The following DNAH2 variants were observed in gnomAD, a reference collection of about 807,000 sequenced individuals.
DNAH2 encodes the protein axonemal beta dynein heavy chain 2.
DNAH2 carries 323 observed loss-of-function variants against 523.5 expected under a neutral mutation model. The ratio of observed to expected loss-of-function variants is 0.62; its 90% CI spans 0.56 to 0.68. The LOEUF (loss-of-function observed/expected upper bound fraction) is 0.68, where lower values mean the gene tolerates loss of function less well. DNAH2 is among the 30% of genes least tolerant of loss of function. DNAH2 has a pLI of 0.00. For synonymous variants in DNAH2, 2,093 were observed against 2,177.4 expected (o/e 0.96, Z 1.08); for missense variants, 4,907 against 5,701.5 (o/e 0.86, Z 4.49).
At chr17:7,756,994 A>C in intron 12 of DNAH2, 97 bp from the exon 13 acceptor site, 1 of 1,546,982 alleles carries the variant, frequency 6.5e-7, no homozygotes. Flanking sequence ...TCATCTCGAC[A>C]TTTCCCTGTG....
intron 20 of DNAH2, among the ~76,000 whole-genome samples, chr17:7,765,182 A>T (rs2076128318): frequency 6.6e-6 from 1 of 152,042 alleles, no homozygotes; most frequent in South Asian, 2.1e-4. Context: ...CTTTCATGAG[A>T]GGGCAGACCT....
chr17:7,796,382 C>A, intron 49 of DNAH2, 82 bp from the exon 50 acceptor site: 1 of 1,495,272 alleles, frequency 6.7e-7, no homozygotes. Context: ...TTAAATTGTG[C>A]CCATGAGCCA....
Position 7,752,438 on chromosome 17 carries a change from C to T in DNAH2, c.1905-4653C>T, listed in dbSNP as rs573560902. Among the ~76,000 whole-genome samples, 10 of 152,200 alleles carry T rather than the reference C, an allele frequency of 6.6e-5. No individual in the cohort carries two copies. The South Asian group carries it at 1.0e-3, about 16-fold the overall frequency. ...AAAACTTGTATGTTCAGGCCGCGCG[C>T]GGTGGCTCACGCCTGTAATCCCAGC... is the stretch of plus-strand genomic sequence containing the variant. On this transcript the variant is annotated intron_variant, in intron 12 of 85. Coordinates refer to ENST00000572933, the MANE Select transcript of DNAH2 (RefSeq NM_020877.5).
rs1567683372 is a variant in DNAH2, at chr17:7,778,367, C to T, written c.5439C>T (p.Val1813=). The stretch of plus-strand genomic sequence containing the variant: ...CAGGCACAGGCAAGACCGAGACCGT[C>T]AAGGACCTGGGCAAGGCCCTGGGCA... ...GPAGTGKTET[V]KDLGKALGIY... is the part of the protein sequence containing the mutation. The change falls in exon 35 of 86, where the codon GTC becomes GTT. Residue 1813 remains valine, a synonymous_variant. Coordinates refer to ENST00000572933, the MANE Select transcript of DNAH2 (RefSeq NM_020877.5). The T allele has an allele frequency of 2.5e-6, 4 of 1,614,128 alleles. No homozygotes were observed. Among genetic ancestry groups the T allele is most frequent in the Non-Finnish European group, 3.4e-6 (4 of 1,180,052 alleles).
At chr17:7,815,224 C>T (rs114282010) in intron 63 of DNAH2, among the ~76,000 whole-genome samples, 2,780 of 152,348 alleles carry the variant, frequency 0.018, 87 homozygotes, top group African/African-American at 0.06. Context: ...CCATAGCCCA[C>T]ATCACCCTTA....
chr17:7,793,515 CTTCTCT>C (rs1257357906), intron 48 of DNAH2, among the ~76,000 whole-genome samples: 4 of 104,562 alleles, frequency 3.8e-5, no homozygotes, highest in Non-Finnish European at 8.9e-5. Context: ...TTCTTTCTTT[CTTCTCT>C]TTCTCTTTCT....
In DNAH2 at chr17:7,764,132, G is replaced by A. The variant is rs772095738; in HGVS notation, c.3195G>A (p.Pro1065=). ...CCGCCTTCAGAATCAGCCGCCCTCC[G>A]CAGACACTGGAGGAACTGGGGGTCA... The part of the protein sequence containing the change: ...KENAEKISRP[P]QTLEELGVSL... The change falls in exon 20 of 86, where the codon CCG becomes CCA. Residue 1065 remains proline, a synonymous_variant. Transcript: ENST00000572933. 1.1e-5 allele frequency: 17 copies of A among 1,614,046 alleles called. No homozygotes were observed. Among genetic ancestry groups the A allele is most frequent in the Middle Eastern group, 1.6e-4 (1 of 6,084 alleles).
chr17:7,750,599 C>T lies in DNAH2; in HGVS notation c.1905-6492C>T, dbSNP rs73232313. ...ATTTGGCTGGGTTTGGAATTCTAGCCGATTTATAGTAATTGTCTTTGGCTT... is the reference window on the plus strand; with the variant it reads ...ATTTGGCTGGGTTTGGAATTCTAGCTGATTTATAGTAATTGTCTTTGGCTT... On this transcript the variant is annotated intron_variant, in intron 12 of 85. Coordinates refer to ENST00000572933, the MANE Select transcript of DNAH2 (RefSeq NM_020877.5). Among the ~76,000 whole-genome samples, 1,446 of 152,160 alleles carry T rather than the reference C, an allele frequency of 9.5e-3. 12 individuals carry two copies. The highest frequency in any genetic ancestry group is 0.031 in the African/African-American group (1,275 of 41,510).
intron 63 of DNAH2, among the ~76,000 whole-genome samples, chr17:7,809,967 G>A (rs1336512168): frequency 6.6e-6 from 1 of 151,820 alleles, no homozygotes; most frequent in Non-Finnish European, 1.5e-5. Flanking sequence ...GGGATTACAG[G>A]TGTGAGCCAC....
Position 7,786,738 on chromosome 17 carries a change from G to A in DNAH2, c.6466+51G>A, listed in dbSNP as rs1330587515. 6.2e-7 allele frequency: 1 copy of A among 1,602,772 alleles called. No homozygotes were observed. Among genetic ancestry groups the A allele is most frequent in the Non-Finnish European group, 8.5e-7 (1 of 1,170,956 alleles). On this transcript the variant is annotated intron_variant, in intron 41 of 85. Transcript: ENST00000572933. The surrounding 1 kb of genome is among the most constrained non-coding windows in gnomAD (Gnocchi z 7.5). ...AGAGCAGACGCCTGAGTCTCCTAAGGGGGCAGGGAGTCTGGGGATAGGAAG... is the reference window on the plus strand; with the variant it reads ...AGAGCAGACGCCTGAGTCTCCTAAGAGGGCAGGGAGTCTGGGGATAGGAAG...
intron 63 of DNAH2, among the ~76,000 whole-genome samples, chr17:7,815,703 T>TGTATACGGGATCACACACAC (rs2077646245): frequency 6.9e-6 from 1 of 145,942 alleles, no homozygotes; most frequent in Non-Finnish European, 1.5e-5. Context: ...ATCACACACA[T>TGTATACGGGATCACACACAC]GTATACGGGA....
intron 11 of DNAH2, among the ~76,000 whole-genome samples, chr17:7,741,236 C>CTCCTTTCTT (rs2075309245): frequency 2.3e-5 from 2 of 85,596 alleles, no homozygotes; most frequent in Non-Finnish European, 5.1e-5. Context: ...TTTTCTCTCT[C>CTCCTTTCTT]TCTTTCTTTC....
rs759700186 is a variant in DNAH2, at chr17:7,723,611, A to G, written c.167-17A>G. 2.5e-6 allele frequency: 4 copies of G among 1,612,310 alleles called. No individual in the cohort carries two copies. In the African/African-American group the frequency reaches 4.0e-5, roughly 16 times the overall value. On this transcript the variant is annotated splice_polypyrimidine_tract_variant and intron_variant, in intron 2 of 85. Transcript: ENST00000572933. ...TTCCAAGAAATGCCTTCCTTTTTGT[A>G]TGTTTATTCTTCCTAGAGCCACGGT...
chr17:7,801,729 C>T lies in DNAH2; in HGVS notation c.8832+19C>T, dbSNP rs1308313388. The T allele has an allele frequency of 7.4e-6, 12 of 1,613,712 alleles. No individual in the cohort carries two copies. Among genetic ancestry groups the T allele is most frequent in the Non-Finnish European group, 8.5e-6 (10 of 1,179,878 alleles). ...GGAGAATGTGAGCCCCTCCTCCCCA[C>T]CTCTCATTGCATCCCTGGCCTCCCT... On this transcript the variant is annotated intron_variant, in intron 57 of 85. Transcript: ENST00000572933.
intron 13 of DNAH2, 131 bp from the exon 14 acceptor site, chr17:7,758,364 C>G: frequency 8.5e-7 from 1 of 1,179,180 alleles, no homozygotes; most frequent in Non-Finnish European, 1.2e-6. Context: ...TTTGGAAGTA[C>G]TAGTCTAGAA....
At chr17:7,723,952 T>G (rs980054747) in intron 3 of DNAH2, among the ~76,000 whole-genome samples, 10 of 152,222 alleles carry the variant, frequency 6.6e-5, no homozygotes, top group Non-Finnish European at 1.2e-4. Context: ...ATGAGCTTAT[T>G]CATCATGCGG....
At chr17:7,734,140 A>T (rs747329425) in intron 5 of DNAH2, 43 bp from the exon 6 acceptor site, 1 of 1,529,140 alleles carries the variant, frequency 6.5e-7, no homozygotes, top group South Asian at 1.2e-5. Flanking sequence ...GCCAGCAAGA[A>T]CTCATCCCCT....
At chr17:7,795,835 A>G (rs530584087) in intron 49 of DNAH2, among the ~76,000 whole-genome samples, 6 of 147,832 alleles carry the variant, frequency 4.1e-5, no homozygotes, top group Non-Finnish European at 9.0e-5. Flanking sequence ...TGTCTCTACT[A>G]AAAATACAAA....
intron 22 of DNAH2, 36 bp from the exon 23 acceptor site, chr17:7,767,864 G>A (rs2076211987): frequency 6.2e-7 from 1 of 1,612,772 alleles, no homozygotes; most frequent in South Asian, 1.1e-5. Flanking sequence ...AAGAGGGCAG[G>A]TGCCACTTCA....
Sources: gnomAD v4.1 joint callset for allele counts (sites outside exome capture counted in the v4.1 genomes callset) on GRCh38, gnomAD v4.1.1 for gene constraint, Gnocchi (gnomAD v3.1) non-coding constraint, MANE v1.5 for transcripts, NCBI Gene and HGNC (gene_info 2026-07-23, HGNC 2026-07-21) for gene names.